DSCAM: variants seen among roughly 807,000 people sequenced by gnomAD.
DSCAM encodes the protein DS cell adhesion molecule.
DSCAM carries 47 observed loss-of-function variants against 217.7 expected under a neutral mutation model. The observed-to-expected ratio is 0.22, with a 90% CI of 0.17 to 0.28. The LOEUF (loss-of-function observed/expected upper bound fraction) is 0.28, where lower values mean the gene tolerates loss of function less well. Ranked by LOEUF, DSCAM falls within the 10% of genes least tolerant of loss-of-function variation. DSCAM has a pLI of 1.00. For missense variants in DSCAM, 2,080 were observed against 2,618.3 expected, an observed-to-expected ratio of 0.79 and a Z score of 4.49; for synonymous variants, 1,056 against 1,015.3, an observed-to-expected ratio of 1.04 and a Z score of -0.76.
At chr21:40,684,248 A>G (rs2090450341) in intron 3 of DSCAM, among the ~76,000 whole-genome samples, 2 of 152,152 alleles carry the variant, frequency 1.3e-5, no homozygotes, top group Admixed American at 1.3e-4. Flanking sequence ...AGAAAAAAGA[A>G]ACCGGACTGG....
At chr21:40,836,567 A>C (rs866796056) in intron 1 of DSCAM, among the ~76,000 whole-genome samples, 1 of 152,188 alleles carries the variant, frequency 6.6e-6, no homozygotes, top group African/African-American at 2.4e-5. Flanking sequence ...CCAATAAATT[A>C]CTACCCAATA....
chr21:40,209,236 G>C (rs942696024), intron 11 of DSCAM, among the ~76,000 whole-genome samples: 1 of 152,146 alleles, frequency 6.6e-6, no homozygotes, highest in Non-Finnish European at 1.5e-5. Context: ...AGGAAGCAGT[G>C]GGGGAGGATG....
In DSCAM at chr21:40,355,084, G is replaced by C. The variant is rs548996538; in HGVS notation, c.656-1341C>G. Among the ~76,000 whole-genome samples, 4 of 152,220 alleles carry C rather than the reference G, an allele frequency of 2.6e-5. No individual in the cohort carries two copies. In the South Asian group the frequency reaches 8.3e-4, roughly 32 times the overall value. ...CCTGGAGCTCATGTTCTGTTGGGCGGGTGGTGTTGGGGAGCAAGCAACACA... is the reference window on the plus strand; with the variant it reads ...CCTGGAGCTCATGTTCTGTTGGGCGCGTGGTGTTGGGGAGCAAGCAACACA... On this transcript the variant is annotated intron_variant, in intron 4 of 32. Coordinates refer to ENST00000400454, the MANE Select transcript of DSCAM (RefSeq NM_001389.5).
rs1676174508 is a variant in DSCAM at position 40,283,356 on chromosome 21, A to G, written c.2183-7086T>C. ...GGCTAGCAGGGGTCAAGTGGGGACA[A>G]TTTCAATGCTCCGTTACATGAAAAT... is the stretch of plus-strand genomic sequence containing the variant. On this transcript the variant is annotated intron_variant, in intron 10 of 32. Transcript: ENST00000400454. Among the ~76,000 whole-genome samples the G allele has an allele frequency of 2.0e-5, 3 of 152,210 alleles. 1 individual carries two copies. The highest frequency in any genetic ancestry group is 4.1e-4 in the South Asian group (2 of 4,836).
intron 3 of DSCAM, among the ~76,000 whole-genome samples, chr21:40,606,306 G>A (rs2146270053): frequency 6.6e-6 from 1 of 152,296 alleles, no homozygotes; most frequent in Non-Finnish European, 1.5e-5. Context: ...ATGAGCTGGA[G>A]TGAAGAGCAC....
intron 3 of DSCAM, among the ~76,000 whole-genome samples, chr21:40,532,904 GTGTGTGCA>G (rs1448930131): frequency 1.1e-4 from 14 of 121,824 alleles, no homozygotes; most frequent in Admixed American, 2.4e-4. Context: ...GTGTGTGTGT[GTGTGTGCA>G]CACGCACGCG....
intron 3 of DSCAM, among the ~76,000 whole-genome samples, chr21:40,645,962 C>T (rs2089940891): frequency 3.3e-5 from 5 of 151,974 alleles, no homozygotes; most frequent in Non-Finnish European, 5.9e-5. Flanking sequence ...ACCTTAGAGC[C>T]TTTAGCCTAT....
At chr21:40,599,754 T>C (rs1162877922) in intron 3 of DSCAM, among the ~76,000 whole-genome samples, 1 of 151,840 alleles carries the variant, frequency 6.6e-6, no homozygotes, top group Non-Finnish European at 1.5e-5. Context: ...ATAGACACAA[T>C]AAAACACGAT....
At chr21:40,420,888 T>A (rs1341525954) in intron 3 of DSCAM, among the ~76,000 whole-genome samples, 1 of 152,190 alleles carries the variant, frequency 6.6e-6, no homozygotes, top group East Asian at 1.9e-4. Flanking sequence ...ACCCTGCTGA[T>A]ACCTTGATCT....
chr21:40,544,188 T>C (rs2076563312), intron 3 of DSCAM, among the ~76,000 whole-genome samples: 1 of 152,126 alleles, frequency 6.6e-6, no homozygotes, highest in African/African-American at 2.4e-5. Flanking sequence ...TGCAGGGTTC[T>C]AGAAATTGAG....
intron 18 of DSCAM, among the ~76,000 whole-genome samples, chr21:40,142,052 GA>G (rs1328315290): frequency 6.7e-6 from 1 of 148,444 alleles, no homozygotes; most frequent in Non-Finnish European, 1.5e-5. Context: ...AGAGGAGAAA[GA>G]GAAACAGGAG....
At chr21:40,325,744 G>C (rs909232324) in intron 8 of DSCAM, among the ~76,000 whole-genome samples, 3 of 152,146 alleles carry the variant, frequency 2.0e-5, no homozygotes, top group Admixed American at 6.5e-5. Flanking sequence ...ACATCAATCA[G>C]CTTTGTCACA....
intron 1 of DSCAM, among the ~76,000 whole-genome samples, chr21:40,761,436 T>C (rs2091334312): frequency 7.0e-6 from 1 of 142,408 alleles, no homozygotes; most frequent in African/African-American, 2.5e-5. Context: ...ATCTCTCATC[T>C]TATATTTGAA....
rs185452734 is a variant in DSCAM at position 40,844,161 on chromosome 21, A to G, written c.43+2458T>C. Among the ~76,000 whole-genome samples, 3 of 152,350 alleles carry G rather than the reference A, an allele frequency of 2.0e-5. No homozygotes were observed. In the East Asian group the frequency reaches 5.8e-4, roughly 29 times the overall value. On this transcript the variant is annotated intron_variant, in intron 1 of 32. Coordinates refer to ENST00000400454, the MANE Select transcript of DSCAM (RefSeq NM_001389.5). ...TTTTTAAAGTTTAATTCAGATAGGTAGAAACCATTTACTCTTATATTTTTG... is the reference window on the plus strand; with the variant it reads ...TTTTTAAAGTTTAATTCAGATAGGTGGAAACCATTTACTCTTATATTTTTG...
chr21:40,158,940 T>C (rs147700987), intron 16 of DSCAM, among the ~76,000 whole-genome samples: 1,542 of 152,366 alleles, frequency 0.01, 27 homozygotes, highest in African/African-American at 0.034. Context: ...ATGGGCTATC[T>C]TGAAATAGTT....
At chr21:40,612,034 G>C (rs1201909634) in intron 3 of DSCAM, among the ~76,000 whole-genome samples, 1 of 152,170 alleles carries the variant, frequency 6.6e-6, no homozygotes, top group African/African-American at 2.4e-5. Flanking sequence ...GACTCAGAGA[G>C]CACATTGTGA....
chr21:40,635,781 T>C (rs879878691), intron 3 of DSCAM, among the ~76,000 whole-genome samples: 4 of 152,226 alleles, frequency 2.6e-5, no homozygotes, highest in Non-Finnish European at 4.4e-5. Flanking sequence ...TTTTCACAAC[T>C]TCAATTCATT....
chr21:40,320,654 A>G (rs1202876983), intron 8 of DSCAM, among the ~76,000 whole-genome samples: 1 of 152,214 alleles, frequency 6.6e-6, no homozygotes, highest in Non-Finnish European at 1.5e-5. Context: ...GAAAGCAAGG[A>G]GAAGCAAGTC....
chr21:40,067,906 C>T (rs1158358881), intron 27 of DSCAM, among the ~76,000 whole-genome samples: 1 of 151,922 alleles, frequency 6.6e-6, no homozygotes, highest in Non-Finnish European at 1.5e-5. Flanking sequence ...AATATGAGAA[C>T]ATTGTTCACA....
Sources: allele counts gnomAD v4.1 joint callset (sites outside exome capture counted in the v4.1 genomes callset), GRCh38; gene constraint gnomAD v4.1.1; transcripts MANE v1.5; gene names NCBI Gene and HGNC (gene_info 2026-07-23, HGNC 2026-07-21).